C8orf34: variants seen among roughly 807,000 people sequenced by gnomAD.
The protein encoded by C8orf34 is chromosome 8 open reading frame 34.
A neutral mutation model predicts 68.3 loss-of-function variants in C8orf34; 65 were observed. The ratio of observed to expected loss-of-function variants is 0.95; its 90% CI spans 0.78 to 1.17. The LOEUF (loss-of-function observed/expected upper bound fraction) is 1.17, where lower values mean the gene tolerates loss of function less well. Ranked by LOEUF, C8orf34 falls within the 50% of genes most tolerant of loss-of-function variation. The pLI is 0.00. For missense variants in C8orf34, 664 were observed against 655.4 expected (o/e 1.01, Z -0.14); for synonymous variants, 244 against 241.2 (o/e 1.01, Z -0.11).
In C8orf34 at chr8:68,818,373, A is replaced by G; in HGVS notation, c.*127A>G. On this transcript the variant is annotated 3_prime_UTR_variant, in exon 14 of 14. Coordinates refer to ENST00000518698, the MANE Select transcript of C8orf34 (RefSeq NM_052958.4). ...TGGTTATTTTTATAATCTCAATAATAAACAAGTACTATCGTAGCCAGGGGG... is the reference window on the plus strand; with the variant it reads ...TGGTTATTTTTATAATCTCAATAATGAACAAGTACTATCGTAGCCAGGGGG... 9.1e-7 allele frequency: 1 copy of G among 1,099,044 alleles called. No individual in the cohort carries two copies. Among genetic ancestry groups the G allele is most frequent in the Non-Finnish European group, 1.4e-6 (1 of 737,548 alleles). The allele number at this position is 1,099,044 out of a possible 1,614,324, so 68.1% of individuals were successfully genotyped here.
intron 8 of C8orf34, among the ~76,000 whole-genome samples, chr8:68,681,024 C>T (rs1248922025): frequency 6.6e-6 from 1 of 152,124 alleles, no homozygotes; most frequent in Admixed American, 6.5e-5. Flanking sequence ...TCCCTACTTG[C>T]ATGTCCATTT....
At chr8:68,548,548 T>A (rs183625617) in intron 7 of C8orf34, among the ~76,000 whole-genome samples, 1 of 151,884 alleles carries the variant, frequency 6.6e-6, no homozygotes, top group East Asian at 1.9e-4. Flanking sequence ...GCTAAGTACG[T>A]GGAGCAGCTG....
intron 7 of C8orf34, among the ~76,000 whole-genome samples, chr8:68,626,729 C>T (rs1818547823): frequency 6.6e-6 from 1 of 152,052 alleles, no homozygotes; most frequent in Non-Finnish European, 1.5e-5. Flanking sequence ...TATTTATTGA[C>T]ACAGGGGCTG....
At chr8:68,567,687 C>T (rs1433719387) in intron 7 of C8orf34, among the ~76,000 whole-genome samples, 7 of 133,282 alleles carry the variant, frequency 5.3e-5, no homozygotes, top group Admixed American at 1.7e-4. Context: ...TTCCGCCTCC[C>T]GGGTTCTTGC....
intron 7 of C8orf34, chr8:68,535,960 T>G (rs927806161): frequency 1.3e-6 from 1 of 756,004 alleles, no homozygotes; most frequent in South Asian, 6.0e-5. Context: ...AGTACAAATA[T>G]TTTAGTAATC....
chr8:68,731,009 G>GA (rs1309300846), intron 10 of C8orf34, among the ~76,000 whole-genome samples: 1 of 152,028 alleles, frequency 6.6e-6, no homozygotes, highest in African/African-American at 2.4e-5. Flanking sequence ...GGGCTGAAGA[G>GA]AAAAAAAGTA....
intron 7 of C8orf34, among the ~76,000 whole-genome samples, chr8:68,576,267 T>C (rs1425385480): frequency 6.7e-6 from 1 of 148,488 alleles, no homozygotes; most frequent in Non-Finnish European, 1.5e-5. Context: ...AGATGTATTT[T>C]AAAAAAATAG....
chr8:68,404,886 T>A (rs927064845), intron 1 of C8orf34, among the ~76,000 whole-genome samples: 3 of 152,178 alleles, frequency 2.0e-5, no homozygotes, highest in Non-Finnish European at 2.9e-5. Flanking sequence ...AAGTAGTTTT[T>A]TTTCTAATTC....
At chr8:68,526,686 C>A (rs372234135) in intron 6 of C8orf34, among the ~76,000 whole-genome samples, 312 of 133,070 alleles carry the variant, frequency 2.3e-3, no homozygotes, top group Admixed American at 2.7e-3. Flanking sequence ...TGACTGGAGT[C>A]AAAAAAAAAA....
At position 68,653,209 on chromosome 8, in the gene C8orf34, A is replaced by G. The variant is rs111959270; in HGVS notation, c.1241+12698A>G. ...TACCTTATAGAAAATTATGCAAACA[A>G]TAAAACTCCTGAATTAATTTTTTAA... On this transcript the variant is annotated intron_variant, in intron 8 of 13. Coordinates refer to ENST00000518698, the MANE Select transcript of C8orf34 (RefSeq NM_052958.4). Among the ~76,000 whole-genome samples the G allele has an allele frequency of 2.0e-3, 310 of 152,310 alleles. 2 individuals are homozygous for G. The highest frequency in any genetic ancestry group is 7.0e-3 in the African/African-American group (290 of 41,574).
At chr8:68,618,402 A>C (rs1022048417) in intron 7 of C8orf34, among the ~76,000 whole-genome samples, 11 of 152,256 alleles carry the variant, frequency 7.2e-5, no homozygotes, top group African/African-American at 2.6e-4. Flanking sequence ...CCCAGGCTGG[A>C]GTGCAGTGGT....
At chr8:68,542,765 C>G (rs1276220350) in intron 7 of C8orf34, among the ~76,000 whole-genome samples, 2 of 152,038 alleles carry the variant, frequency 1.3e-5, no homozygotes, top group Non-Finnish European at 2.9e-5. Flanking sequence ...TATCCAAGAA[C>G]ATACGTTTTT....
In C8orf34 at chr8:68,513,117, C is replaced by T. The variant is rs142915162; in HGVS notation, c.766-8682C>T. ...TGACCTGCATATTTTAGTTCACCTA[C>T]GTTACATTTTAATGATCCCTGCATT... On this transcript the variant is annotated intron_variant, in intron 5 of 13. Coordinates refer to ENST00000518698, the MANE Select transcript of C8orf34 (RefSeq NM_052958.4). 6.0e-3 allele frequency among the ~76,000 whole-genome samples: 913 copies of T among 152,302 alleles called. 10 individuals carry two copies. Among genetic ancestry groups the T allele is most frequent in the African/African-American group, 0.021 (857 of 41,568 alleles).
At chr8:68,656,696 C>G (rs1585682490) in intron 8 of C8orf34, among the ~76,000 whole-genome samples, 1 of 152,186 alleles carries the variant, frequency 6.6e-6, no homozygotes, top group South Asian at 2.1e-4. Context: ...TTGGTGACAC[C>G]TTTCCTCCTC....
At chr8:68,527,628 C>T (rs1469126551) in intron 6 of C8orf34, among the ~76,000 whole-genome samples, 1 of 152,100 alleles carries the variant, frequency 6.6e-6, no homozygotes, top group Non-Finnish European at 1.5e-5. Context: ...TGGCTACATC[C>T]CCATCCCAAG....
chr8:68,472,878 T>C (rs1327939986), intron 4 of C8orf34, among the ~76,000 whole-genome samples: 1 of 152,112 alleles, frequency 6.6e-6, no homozygotes, highest in Non-Finnish European at 1.5e-5. Flanking sequence ...TCACAGCACC[T>C]CTCGTTTTGG....
At chr8:68,564,196 C>T (rs1184856026) in intron 7 of C8orf34, among the ~76,000 whole-genome samples, 1 of 152,096 alleles carries the variant, frequency 6.6e-6, no homozygotes, top group Non-Finnish European at 1.5e-5. Context: ...TACAATTGAA[C>T]AAAACCTCCA....
chr8:68,367,691 T>C (rs1159608873), intron 1 of C8orf34, among the ~76,000 whole-genome samples: 1 of 140,292 alleles, frequency 7.1e-6, no homozygotes, highest in African/African-American at 2.7e-5. Context: ...TAGGTGGGAA[T>C]TGAACAATGA....
At position 68,443,826 on chromosome 8, in the gene C8orf34, CA is replaced by C. The variant is rs529992382; in HGVS notation, c.476-2502del. On this transcript the variant is annotated intron_variant, in intron 2 of 13. Transcript: ENST00000518698. ...TTTAAATATATTTAGCAACATGGGA[CA>C]CAACATTTTCTCCTTAAAAGTCTAT... Among the ~76,000 whole-genome samples the C allele has an allele frequency of 2.4e-4, 37 of 152,228 alleles. No homozygotes were observed. The South Asian group carries it at 2.9e-3, about 12-fold the overall frequency.
Sources: gnomAD v4.1 joint callset for allele counts (sites outside exome capture counted in the v4.1 genomes callset) on GRCh38, gnomAD v4.1.1 for gene constraint, MANE v1.5 for transcripts, NCBI Gene and HGNC (gene_info 2026-07-23, HGNC 2026-07-21) for gene names.